SLC10A7: variants seen among roughly 807,000 people sequenced by gnomAD.
SLC10A7 encodes sodium/bile acid cotransporter 7.
Under a neutral mutation model 43.2 loss-of-function variants are expected in SLC10A7, and 29 were observed. That is an observed-to-expected ratio of 0.67 (90% CI 0.50 to 0.92). The LOEUF (loss-of-function observed/expected upper bound fraction) is 0.92, where lower values mean the gene tolerates loss of function less well. Among genes scored for constraint, SLC10A7 ranks in the 40% least tolerant of loss-of-function variants. The probability of loss-of-function intolerance (pLI) is 0.00; values close to 1 mark genes in which losing one functional copy is unlikely to be tolerated. For synonymous variants in SLC10A7, 152 were observed against 144.8 expected (o/e 1.05, Z -0.35); for missense variants, 295 against 403.2 (o/e 0.73, Z 2.30).
intron 4 of SLC10A7, among the ~76,000 whole-genome samples, chr4:146,462,265 A>T (rs1344776127): frequency 6.6e-6 from 1 of 152,020 alleles, no homozygotes; most frequent in Non-Finnish European, 1.5e-5. Flanking sequence ...CTTTTTTGTT[A>T]GTAAAATCAT....
chr4:146,388,529 C>T (rs1363324110), intron 5 of SLC10A7, among the ~76,000 whole-genome samples: 4 of 151,998 alleles, frequency 2.6e-5, no homozygotes, highest in East Asian at 1.9e-4. Context: ...GAGGCTGAGG[C>T]GGGTGGATCA....
chr4:146,472,535 C>T (rs1733666709), intron 4 of SLC10A7, among the ~76,000 whole-genome samples: 1 of 151,528 alleles, frequency 6.6e-6, no homozygotes, highest in Non-Finnish European at 1.5e-5. Context: ...CAACAGGGAA[C>T]CCAGCTGGGA....
chr4:146,445,493 G>C (rs757614730), intron 4 of SLC10A7, among the ~76,000 whole-genome samples: 2 of 152,136 alleles, frequency 1.3e-5, no homozygotes, highest in African/African-American at 4.8e-5. Context: ...CATCCAGGAG[G>C]GGGTGTCTGT....
intron 7 of SLC10A7, among the ~76,000 whole-genome samples, chr4:146,298,096 T>C (rs910005143): frequency 6.6e-6 from 1 of 152,204 alleles, no homozygotes; most frequent in African/African-American, 2.4e-5. Context: ...CACCTAACTT[T>C]GAGTCCTGGC....
chr4:146,399,558 G>C (rs1024506773), intron 5 of SLC10A7, among the ~76,000 whole-genome samples: 6 of 152,198 alleles, frequency 3.9e-5, no homozygotes, highest in African/African-American at 1.4e-4. Flanking sequence ...GAGGCAAAAT[G>C]AGTTAATGGC....
chr4:146,327,425 T>C (rs1013757676), intron 5 of SLC10A7, among the ~76,000 whole-genome samples: 5 of 152,234 alleles, frequency 3.3e-5, no homozygotes, highest in African/African-American at 1.2e-4. Flanking sequence ...ATGTGCTAAA[T>C]GACAAATAAC....
intron 5 of SLC10A7, among the ~76,000 whole-genome samples, chr4:146,418,018 G>A (rs1382471275): frequency 6.6e-6 from 1 of 151,520 alleles, no homozygotes; most frequent in African/African-American, 2.4e-5. Flanking sequence ...TGATGATGAT[G>A]ATGATGATGA....
intron 4 of SLC10A7, among the ~76,000 whole-genome samples, chr4:146,445,396 T>C (rs1049157709): frequency 1.3e-5 from 2 of 152,174 alleles, no homozygotes. Context: ...ACACTGGAAC[T>C]GGCCGGTCGC....
At chr4:146,508,962 G>C (rs1206551312) in intron 3 of SLC10A7, among the ~76,000 whole-genome samples, 1 of 152,056 alleles carries the variant, frequency 6.6e-6, no homozygotes, top group East Asian at 1.9e-4. Context: ...CCAGGCTCTG[G>C]CCTTCCTGGC....
chr4:146,455,359 C>A (rs920278203), intron 4 of SLC10A7, among the ~76,000 whole-genome samples: 2 of 151,814 alleles, frequency 1.3e-5, no homozygotes, highest in African/African-American at 4.8e-5. Flanking sequence ...TTGAACTAAG[C>A]TCTCAGCACA....
intron 5 of SLC10A7, among the ~76,000 whole-genome samples, chr4:146,388,774 A>AC (rs111243216): frequency 0.014 from 1,568 of 110,704 alleles, 26 homozygotes; most frequent in African/African-American, 0.047. Flanking sequence ...AACAACAACA[A>AC]AAAAAAAAAC....
chr4:146,365,021 C>T lies in SLC10A7; in HGVS notation c.436-39025G>A, dbSNP rs1215616436. On this transcript the variant is annotated intron_variant, in intron 5 of 11. Transcript: ENST00000335472. ...AGAGTATCTAGTGAGACAGACCACC[C>T]AAAAAGCAGACTGCCAATCCTGAAC... is the stretch of plus-strand genomic sequence containing the variant. Among the ~76,000 whole-genome samples, 3 of 152,098 alleles carry T rather than the reference C, an allele frequency of 2.0e-5. No individual in the cohort carries two copies. The South Asian group carries it at 6.2e-4, about 32-fold the overall frequency.
At chr4:146,433,031 C>T (rs1476573199) in intron 5 of SLC10A7, among the ~76,000 whole-genome samples, 1 of 151,194 alleles carries the variant, frequency 6.6e-6, no homozygotes, top group Non-Finnish European at 1.5e-5. Flanking sequence ...GAGCAAGACT[C>T]TGTCTCAAAA....
rs142440888 is a variant in SLC10A7, at chr4:146,458,344, A to G, written c.397-15523T>C. Among the ~76,000 whole-genome samples, 675 of 151,884 alleles carry G rather than the reference A, an allele frequency of 4.4e-3. 2 individuals are homozygous for G. Among genetic ancestry groups the G allele is most frequent in the African/African-American group, 0.015 (626 of 41,526 alleles). On this transcript the variant is annotated intron_variant, in intron 4 of 11. Coordinates refer to ENST00000335472, the MANE Select transcript of SLC10A7 (RefSeq NM_001029998.6). ...TTTCCTCTGCCTCATATAAAAAACC[A>G]AACAGCTGACATCATACCTAACTGT...
intron 3 of SLC10A7, among the ~76,000 whole-genome samples, chr4:146,504,979 C>A (rs1031345687): frequency 1.3e-5 from 2 of 152,152 alleles, no homozygotes; most frequent in African/African-American, 2.4e-5. Context: ...AAGTACTATA[C>A]ATTTTTTTAA....
At chr4:146,389,181 G>T (rs959511050) in intron 5 of SLC10A7, among the ~76,000 whole-genome samples, 1 of 152,150 alleles carries the variant, frequency 6.6e-6, no homozygotes, top group Non-Finnish European at 1.5e-5. Context: ...AGTGGAAGGA[G>T]GGTGAGGGTT....
At chr4:146,442,679 A>G (rs892857093) in intron 5 of SLC10A7, 104 bp downstream of exon 5, 2 of 1,531,888 alleles carry the variant, frequency 1.3e-6, no homozygotes, top group African/African-American at 1.4e-5. Context: ...AACAATTTTT[A>G]TACTTAACCA....
chr4:146,492,080 C>A (rs1358110767), intron 4 of SLC10A7, among the ~76,000 whole-genome samples: 1 of 151,746 alleles, frequency 6.6e-6, no homozygotes, highest in Admixed American at 6.6e-5. Flanking sequence ...ATTAGCTGGG[C>A]GTGGTGGCGG....
chr4:146,355,137 C>T (rs1484809009), intron 5 of SLC10A7, among the ~76,000 whole-genome samples: 2 of 148,586 alleles, frequency 1.3e-5, no homozygotes, highest in African/African-American at 2.5e-5. Context: ...GCAACCTACT[C>T]ATCTGACAAA....
Sources: gnomAD v4.1 joint callset for allele counts (sites outside exome capture counted in the v4.1 genomes callset) on GRCh38, gnomAD v4.1.1 for gene constraint, MANE v1.5 for transcripts, NCBI Gene and HGNC (gene_info 2026-07-23, HGNC 2026-07-21) for gene names.